The following LIN28A variants were observed in gnomAD, a reference collection of about 807,000 sequenced individuals.
LIN28A encodes lin-28 RNA binding posttranscriptional regulator A.
A neutral mutation model predicts 21.1 loss-of-function variants in LIN28A; 11 were observed. That is an observed-to-expected ratio of 0.52 (90% confidence interval 0.33 to 0.86). LIN28A has a LOEUF of 0.86. Ranked by LOEUF, LIN28A falls within the 40% of genes least tolerant of loss-of-function variation. The pLI is 0.03. For synonymous variants in LIN28A, 111 were observed against 108.7 expected, an observed-to-expected ratio of 1.02 and a Z score of -0.13; for missense variants, 219 against 279.8, an observed-to-expected ratio of 0.78 and a Z score of 1.55.
intron 2 of LIN28A, among the ~76,000 whole-genome samples, chr1:26,414,774 C>G (rs1401471347): frequency 6.6e-6 from 1 of 152,128 alleles, no homozygotes; most frequent in Non-Finnish European, 1.5e-5. Flanking sequence ...AGCAGTATTC[C>G]TGGTCTCTAC....
Position 26,411,007 on chromosome 1 carries a change from T to G in LIN28A, c.31+85T>G. 1.3e-6 allele frequency: 2 copies of G among 1,522,806 alleles called. No individual in the cohort carries two copies. Among genetic ancestry groups the G allele is most frequent in the Non-Finnish European group, 1.8e-6 (2 of 1,130,316 alleles). The allele number at this position is 1,522,806 out of a possible 1,614,324, so 94.3% of individuals were successfully genotyped here. On this transcript the variant is annotated intron_variant, in intron 1 of 3. Coordinates refer to ENST00000326279, the MANE Select transcript of LIN28A (RefSeq NM_024674.6). This position sits in a 1 kb window ranked among gnomAD's most constrained non-coding sequence, Gnocchi z 5.4. ...AGAAGGGAGGTGGGGAACTGAGTCC[T>G]AGGCTGCCCAAAGGACCCCAAGACG...
At chr1:26,415,948 T>C (rs1261308562) in intron 2 of LIN28A, among the ~76,000 whole-genome samples, 1 of 152,098 alleles carries the variant, frequency 6.6e-6, no homozygotes, top group Non-Finnish European at 1.5e-5. Context: ...TCTTCTGGGG[T>C]CCTCTTCTTT....
At chr1:26,415,358 C>G (rs964887102) in intron 2 of LIN28A, among the ~76,000 whole-genome samples, 1 of 151,950 alleles carries the variant, frequency 6.6e-6, no homozygotes, top group African/African-American at 2.4e-5. Context: ...GTTGCGGGGG[C>G]GGGTGGGGAA....
At chr1:26,417,827 A>C (rs1194674883) in intron 2 of LIN28A, among the ~76,000 whole-genome samples, 1 of 152,190 alleles carries the variant, frequency 6.6e-6, no homozygotes, top group African/African-American at 2.4e-5. Flanking sequence ...AGAACCTAGA[A>C]TTGAGGTAGA....
intron 3 of LIN28A, among the ~76,000 whole-genome samples, chr1:26,425,688 CAAGT>C (rs1257543971): frequency 1.3e-5 from 2 of 152,092 alleles, no homozygotes; most frequent in African/African-American, 4.8e-5. Context: ...CTACTTGGGA[CAAGT>C]AAGTTTGCTC....
chr1:26,425,102 T>C (rs944405690), intron 2 of LIN28A, among the ~76,000 whole-genome samples: 1 of 152,208 alleles, frequency 6.6e-6, no homozygotes, highest in African/African-American at 2.4e-5. Flanking sequence ...TCATGGCATC[T>C]GCTTATATAA....
chr1:26,413,817 G>C (rs867627023), intron 2 of LIN28A, among the ~76,000 whole-genome samples: 136 of 102,016 alleles, frequency 1.3e-3, no homozygotes, highest in African/African-American at 3.8e-3. Flanking sequence ...TTGTTTGTTT[G>C]TTTGTTGCTT....
chr1:26,426,066 G>A (rs1220500306), intron 3 of LIN28A, among the ~76,000 whole-genome samples, 176 bp from the exon 4 acceptor site: 4 of 152,166 alleles, frequency 2.6e-5, no homozygotes, highest in African/African-American at 9.7e-5. Flanking sequence ...AATTAGATGT[G>A]GAAAGGACTT....
At chr1:26,416,180 A>G (rs2074992024) in intron 2 of LIN28A, among the ~76,000 whole-genome samples, 1 of 151,990 alleles carries the variant, frequency 6.6e-6, no homozygotes, top group Admixed American at 6.6e-5. Flanking sequence ...TTTAGTAGAG[A>G]AGGGTTTTCG....
rs201055562 is a variant in LIN28A, at chr1:26,426,443, G to A, written c.615G>A (p.Pro205=). 1,298 of 1,614,080 alleles carry A rather than the reference G, an allele frequency of 8.0e-4. No homozygotes were observed. Among genetic ancestry groups the A allele is most frequent in the Non-Finnish European group, 1.0e-3 (1,188 of 1,179,934 alleles). The change falls in exon 4 of 4, where the codon CCG becomes CCA. Residue 205 remains proline, a synonymous_variant. Coordinates refer to ENST00000326279, the MANE Select transcript of LIN28A (RefSeq NM_024674.6). ...EEEIHSPTLL[P]EAQN ...AAATCCACAGCCCTACCCTGCTCCCGGAGGCACAGAATTGAGCCACAATGG... is the reference window on the plus strand; with the variant it reads ...AAATCCACAGCCCTACCCTGCTCCCAGAGGCACAGAATTGAGCCACAATGG...
At chr1:26,413,845 G>A (rs919163297) in intron 2 of LIN28A, among the ~76,000 whole-genome samples, 6 of 21,946 alleles carry the variant, frequency 2.7e-4, no homozygotes, top group African/African-American at 1.2e-3. Flanking sequence ...TTTTTTTTTT[G>A]AGATGGTGTT....
intron 2 of LIN28A, among the ~76,000 whole-genome samples, chr1:26,412,812 T>C (rs1270033900): frequency 6.6e-6 from 1 of 152,006 alleles, no homozygotes; most frequent in Non-Finnish European, 1.5e-5. Flanking sequence ...GAGCACAGCC[T>C]TCAGTGAGGA....
Position 26,427,304 on chromosome 1 carries a change from ACT to A in LIN28A, c.*847_*848del. ...GCTCCAGGTCTGCGCAGCAGGAATTACTTTTTGTTGTTTTTGCCACCGTGGAG... is the reference window on the plus strand; with the variant it reads ...GCTCCAGGTCTGCGCAGCAGGAATTATTTTGTTGTTTTTGCCACCGTGGAG... On this transcript the variant is annotated 3_prime_UTR_variant, in exon 4 of 4. Transcript: ENST00000326279. 6.5e-6 allele frequency: 1 copy of A among 152,806 alleles called. No individual in the cohort carries two copies. Among genetic ancestry groups the A allele is most frequent in the Non-Finnish European group, 1.5e-5 (1 of 68,060 alleles). 9.5% of individuals were successfully genotyped at this position (152,806 alleles called of 1,614,324 possible). A position where few individuals can be genotyped will look rare whatever the true frequency, so the allele number is the denominator to read the frequency against.
chr1:26,417,889 A>C (rs1033371793), intron 2 of LIN28A, among the ~76,000 whole-genome samples: 5 of 152,240 alleles, frequency 3.3e-5, no homozygotes, highest in Non-Finnish European at 5.9e-5. Flanking sequence ...GAAGATCTGG[A>C]ATAGCCTCTT....
intron 2 of LIN28A, among the ~76,000 whole-genome samples, chr1:26,413,832 T>A (rs1399293365): frequency 6.8e-6 from 1 of 146,744 alleles, no homozygotes; most frequent in Non-Finnish European, 1.5e-5. Flanking sequence ...TTGCTTTTTT[T>A]TTTTTTTTTT....
rs777244565 is a variant in LIN28A at position 26,411,418 on chromosome 1, G to A, written c.64G>A (p.Glu22Lys). Residue 22 changes from glutamate (E) to lysine (K), a missense_variant, in exon 2 of 4, where the codon GAG becomes AAG. Glu to Lys is a moderately conservative substitution (Grantham distance 56). Coordinates refer to ENST00000326279, the MANE Select transcript of LIN28A (RefSeq NM_024674.6). The surrounding 1 kb of genome is among the most constrained non-coding windows in gnomAD (Gnocchi z 5.4). ...CGCCAAGGCGGCAGAAGAGGCGCCCGAGGAGGCGCCGGAGGACGCGGCCCG... is the reference window on the plus strand; with the variant it reads ...CGCCAAGGCGGCAGAAGAGGCGCCCAAGGAGGCGCCGGAGGACGCGGCCCG... ...GCAKAAEEAP[E>K]EAPEDAARAA... The A allele has an allele frequency of 5.4e-5, 87 of 1,603,996 alleles. 1 individual carries two copies. The highest frequency in any genetic ancestry group is 3.3e-5 in the Non-Finnish European group (39 of 1,175,870).
At position 26,426,750 on chromosome 1, in the gene LIN28A, A is replaced by G. The variant is rs1438727906; in HGVS notation, c.*292A>G. The stretch of plus-strand genomic sequence containing the variant: ...CCATCCCCAGAATTTCCAGCTTTTG[A>G]AAGTGGCCTGGATAGGGAAGTTGTT... On this transcript the variant is annotated 3_prime_UTR_variant, in exon 4 of 4. Coordinates refer to ENST00000326279, the MANE Select transcript of LIN28A (RefSeq NM_024674.6). 2 of 384,354 alleles carry G rather than the reference A, an allele frequency of 5.2e-6. No homozygotes were observed. Among genetic ancestry groups the G allele is most frequent in the South Asian group, 2.8e-5 (1 of 36,144 alleles). The allele number at this position is 384,354 out of a possible 1,614,324, so 23.8% of individuals were successfully genotyped here. A position where few individuals can be genotyped will look rare whatever the true frequency, so the allele number is the denominator to read the frequency against.
At chr1:26,421,543 AC>A (rs2075028807) in intron 2 of LIN28A, among the ~76,000 whole-genome samples, 2 of 152,192 alleles carry the variant, frequency 1.3e-5, no homozygotes, top group African/African-American at 4.8e-5. Context: ...ATCTGTCTTA[AC>A]TTTTCAGTAT....
At chr1:26,416,189 C>T (rs959084855) in intron 2 of LIN28A, among the ~76,000 whole-genome samples, 2 of 152,058 alleles carry the variant, frequency 1.3e-5, no homozygotes, top group South Asian at 2.1e-4. Flanking sequence ...GAAGGGTTTT[C>T]GTCATGTTGT....
Sources: gnomAD v4.1 joint callset for allele counts (sites outside exome capture counted in the v4.1 genomes callset) on GRCh38, gnomAD v4.1.1 for gene constraint, Gnocchi (gnomAD v3.1) non-coding constraint, MANE v1.5 for transcripts, NCBI Gene and HGNC (gene_info 2026-07-23, HGNC 2026-07-21) for gene names.